CAP2: variants seen among roughly 807,000 people sequenced by gnomAD.
The protein encoded by CAP2 is cyclase associated actin cytoskeleton regulatory protein 2, also known as adenylyl cyclase-associated protein 2.
A neutral mutation model predicts 57.7 loss-of-function variants in CAP2; 24 were observed. That is an observed-to-expected ratio of 0.42 (90% CI 0.30 to 0.58). CAP2 has a LOEUF of 0.58. Ranked by LOEUF, CAP2 falls within the 20% of genes least tolerant of loss-of-function variation. The probability of loss-of-function intolerance (pLI) is 0.22; values close to 1 mark genes in which losing one functional copy is unlikely to be tolerated. For synonymous variants in CAP2, 194 were observed against 207.2 expected (o/e 0.94, Z 0.55); for missense variants, 501 against 590.3 (o/e 0.85, Z 1.57).
chr6:17,421,123 G>A (rs1320436250), intron 1 of CAP2, among the ~76,000 whole-genome samples: 1 of 152,170 alleles, frequency 6.6e-6, no homozygotes, highest in African/African-American at 2.4e-5. Context: ...TATTCTAAGT[G>A]AAGTAGCTCA....
chr6:17,473,390 C>T (rs1761072060), intron 4 of CAP2, among the ~76,000 whole-genome samples: 1 of 152,132 alleles, frequency 6.6e-6, no homozygotes, highest in African/African-American at 2.4e-5. Flanking sequence ...TATCATTTTA[C>T]ACTGTGAAGC....
intron 6 of CAP2, among the ~76,000 whole-genome samples, chr6:17,512,827 G>A (rs1374115830): frequency 2.6e-5 from 4 of 152,190 alleles, no homozygotes. Flanking sequence ...TAAATGGCAT[G>A]CCTTAATACA....
At chr6:17,440,617 G>GTGTA (rs1254645869) in intron 3 of CAP2, among the ~76,000 whole-genome samples, 1 of 146,482 alleles carries the variant, frequency 6.8e-6, no homozygotes, top group Non-Finnish European at 1.5e-5. Flanking sequence ...TGTGTGTGGT[G>GTGTA]TGTGTGTGTG....
At position 17,426,821 on chromosome 6, in the gene CAP2, A is replaced by G. The variant is rs918371230; in HGVS notation, c.222+131A>G. ...TACTCTGGCTAGGCAGATGGTGGCT[A>G]AAACATTCATTTACCCATTTATTCA... On this transcript the variant is annotated intron_variant, in intron 3 of 12. Coordinates refer to ENST00000229922, the MANE Select transcript of CAP2 (RefSeq NM_006366.3). 2.4e-5 allele frequency: 16 copies of G among 660,506 alleles called. No homozygotes were observed. The African/African-American group carries it at 2.6e-4, about 11-fold the overall frequency. The allele number at this position is 660,506 out of a possible 1,614,324, so 40.9% of individuals were successfully genotyped here.
intron 3 of CAP2, among the ~76,000 whole-genome samples, chr6:17,439,874 TC>T (rs1760022886): frequency 6.6e-6 from 1 of 151,368 alleles, no homozygotes; most frequent in South Asian, 2.1e-4. Flanking sequence ...GCACCCCACT[TC>T]CTAACAGGCC....
chr6:17,405,179 C>T (rs1191653909), intron 1 of CAP2, among the ~76,000 whole-genome samples: 3 of 152,086 alleles, frequency 2.0e-5, no homozygotes, highest in Non-Finnish European at 2.9e-5. Context: ...GGTCAGGATT[C>T]GAGATCAGCC....
intron 7 of CAP2, chr6:17,531,793 C>G: frequency 1.7e-6 from 1 of 572,516 alleles, no homozygotes; most frequent in Non-Finnish European, 3.1e-6. Context: ...GATAAAGATA[C>G]CTGCAAATCA....
rs369319203 is a variant in CAP2, at chr6:17,400,492, A to G, written c.-2+6746A>G. 4.1e-4 allele frequency among the ~76,000 whole-genome samples: 62 copies of G among 152,312 alleles called. 1 individual carries two copies. The highest frequency in any genetic ancestry group is 4.1e-3 in the East Asian group (21 of 5,178). ...AGAAGATGACACTTAAGCTGTAAAC[A>G]TAAGTCACAAAGGATCTATTCGGAT... On this transcript the variant is annotated intron_variant, in intron 1 of 12. Coordinates refer to ENST00000229922, the MANE Select transcript of CAP2 (RefSeq NM_006366.3).
chr6:17,428,292 C>T (rs1759640319), intron 3 of CAP2, among the ~76,000 whole-genome samples: 1 of 152,098 alleles, frequency 6.6e-6, no homozygotes, highest in Non-Finnish European at 1.5e-5. Context: ...AGCATCATCT[C>T]CGGGGTTAGT....
chr6:17,396,966 T>G (rs1421779649), intron 1 of CAP2, among the ~76,000 whole-genome samples: 1 of 152,238 alleles, frequency 6.6e-6, no homozygotes, highest in African/African-American at 2.4e-5. Flanking sequence ...AATCATTCCC[T>G]GGTTTATTGT....
intron 12 of CAP2, among the ~76,000 whole-genome samples, chr6:17,552,191 T>C (rs191729773): frequency 1.3e-4 from 20 of 152,326 alleles, no homozygotes; most frequent in Middle Eastern, 3.4e-3. Flanking sequence ...CTAAAAGACT[T>C]GGCCACTATT....
intron 1 of CAP2, among the ~76,000 whole-genome samples, chr6:17,401,589 C>A (rs1399082366): frequency 6.6e-6 from 1 of 152,186 alleles, no homozygotes; most frequent in Non-Finnish European, 1.5e-5. Context: ...GATTGATGGA[C>A]AGTTTCAACT....
chr6:17,407,622 A>G (rs930453269), intron 1 of CAP2, among the ~76,000 whole-genome samples: 4 of 151,942 alleles, frequency 2.6e-5, no homozygotes, highest in Admixed American at 2.6e-4. Context: ...ACCAAAAAAT[A>G]TAAAAATTTA....
At chr6:17,541,425 C>G (rs752003596) in intron 9 of CAP2, among the ~76,000 whole-genome samples, 4 of 151,858 alleles carry the variant, frequency 2.6e-5, no homozygotes, top group Non-Finnish European at 5.9e-5. Context: ...ACTAAAAATA[C>G]AAAAATTAGC....
rs369851275 is a variant in CAP2 at position 17,552,213 on chromosome 6, C to T, written c.1350+609C>T. 4.6e-5 allele frequency among the ~76,000 whole-genome samples: 7 copies of T among 152,208 alleles called. No individual in the cohort carries two copies. In the East Asian group the frequency reaches 9.6e-4, roughly 21 times the overall value. ...ACTTGGCCACTATTTATTTTCTCAG[C>T]TTTCTCTCCTCAACAAAGCACTTTC... On this transcript the variant is annotated intron_variant, in intron 12 of 12. Coordinates refer to ENST00000229922, the MANE Select transcript of CAP2 (RefSeq NM_006366.3).
At chr6:17,549,047 T>G (rs1763114392) in intron 11 of CAP2, among the ~76,000 whole-genome samples, 2 of 152,164 alleles carry the variant, frequency 1.3e-5, no homozygotes, top group African/African-American at 4.8e-5. Context: ...AAAATTTAAA[T>G]TATATGTTTA....
intron 7 of CAP2, chr6:17,531,507 C>T: frequency 6.7e-7 from 1 of 1,488,534 alleles, no homozygotes. Context: ...TTCTTCCTTG[C>T]CTTTCAAAGC....
intron 3 of CAP2, among the ~76,000 whole-genome samples, chr6:17,443,788 A>G (rs1250968452): frequency 5.9e-5 from 9 of 152,116 alleles, no homozygotes; most frequent in Admixed American, 4.6e-4. Context: ...TCCAACCTTC[A>G]GTATTTTTTT....
At chr6:17,409,799 A>G (rs2113515657) in intron 1 of CAP2, among the ~76,000 whole-genome samples, 1 of 152,156 alleles carries the variant, frequency 6.6e-6, no homozygotes, top group African/African-American at 2.4e-5. Context: ...AAAACATCTA[A>G]GATATCCTAG....
Sources: gnomAD v4.1 joint callset for allele counts (sites outside exome capture counted in the v4.1 genomes callset) on GRCh38, gnomAD v4.1.1 for gene constraint, MANE v1.5 for transcripts, NCBI Gene and HGNC (gene_info 2026-07-23, HGNC 2026-07-21) for gene names.